The following VPS13D variants were observed in gnomAD, a reference collection of about 807,000 sequenced individuals.
VPS13D encodes intermembrane lipid transfer protein VPS13D.
Under a neutral mutation model 461.9 loss-of-function variants are expected in VPS13D, and 187 were observed. The observed-to-expected ratio is 0.40, with a 90% CI of 0.36 to 0.46. The LOEUF is 0.46. Among genes scored for constraint, VPS13D ranks in the 20% least tolerant of loss-of-function variants. The pLI is 0.60. For synonymous variants in VPS13D, 1,951 were observed against 1,986.3 expected (o/e 0.98, Z 0.47); for missense variants, 4,711 against 5,364.9 (o/e 0.88, Z 3.81).
intron 2 of VPS13D, among the ~76,000 whole-genome samples, chr1:12,234,641 T>G (rs1055268049): frequency 2.6e-5 from 4 of 152,236 alleles, no homozygotes; most frequent in African/African-American, 9.6e-5. Flanking sequence ...TTTAGCTTTA[T>G]GAAGCTTTAT....
At chr1:12,398,286 A>G (rs1440290078) in intron 60 of VPS13D, among the ~76,000 whole-genome samples, 1 of 152,248 alleles carries the variant, frequency 6.6e-6, no homozygotes, top group Non-Finnish European at 1.5e-5. Context: ...ATTCGGTGCC[A>G]GAAATCTCTG....
chr1:12,491,563 A>T (rs548301832), intron 67 of VPS13D, among the ~76,000 whole-genome samples: 14 of 152,064 alleles, frequency 9.2e-5, no homozygotes, highest in South Asian at 6.2e-4. Context: ...TTTTTTTTTT[A>T]AAAGACATGA....
chr1:12,460,452 T>C (rs1645394427), intron 67 of VPS13D, 56 bp downstream of exon 67: 2 of 1,466,394 alleles, frequency 1.4e-6, no homozygotes, highest in South Asian at 2.9e-5. Context: ...CTGCTGCTTC[T>C]CCTAATCCAT....
chr1:12,411,868 C>G (rs1644734779), intron 63 of VPS13D, among the ~76,000 whole-genome samples: 1 of 152,174 alleles, frequency 6.6e-6, no homozygotes, highest in Non-Finnish European at 1.5e-5. Context: ...GGAAGCTACT[C>G]CCAGCTTCTT....
At chr1:12,497,243 G>GA in intron 67 of VPS13D, 1 of 258,434 alleles carries the variant, frequency 3.9e-6, no homozygotes, top group South Asian at 6.6e-5. Context: ...AGAGAAAACG[G>GA]AAACTGAGGG....
rs889355146 is a variant in VPS13D at position 12,468,531 on chromosome 1, G to A, written c.12662+8135G>A. Reference sequence around the variant, plus strand: ...AGCAGGGACTTAAAGACTCACTGTTGTATTACAGATTATGGCTCGGAAGCA... The same window carrying A: ...AGCAGGGACTTAAAGACTCACTGTTATATTACAGATTATGGCTCGGAAGCA... On this transcript the variant is annotated intron_variant, in intron 67 of 69. Transcript: ENST00000620676. 5.3e-5 allele frequency among the ~76,000 whole-genome samples: 8 copies of A among 152,148 alleles called. 1 individual carries two copies. The highest frequency in any genetic ancestry group is 1.9e-4 in the African/African-American group (8 of 41,424).
At chr1:12,262,201 A>C (rs1212992437) in intron 13 of VPS13D, 121 bp downstream of exon 13, 2 of 1,041,960 alleles carry the variant, frequency 1.9e-6, no homozygotes, top group East Asian at 2.6e-5. Flanking sequence ...GTATTAGCTA[A>C]TGTGGAACCA....
intron 60 of VPS13D, 31 bp downstream of exon 60, chr1:12,386,365 C>G: frequency 6.4e-7 from 1 of 1,557,672 alleles, no homozygotes; most frequent in Non-Finnish European, 8.7e-7. Context: ...CTGTTAGTCA[C>G]CTTGTTTTCA....
intron 60 of VPS13D, among the ~76,000 whole-genome samples, chr1:12,395,156 A>G (rs528282829): frequency 6.6e-6 from 1 of 152,220 alleles, no homozygotes; most frequent in African/African-American, 2.4e-5. Context: ...GCCTCAAGAG[A>G]GGTCATCACT....
intron 65 of VPS13D, among the ~76,000 whole-genome samples, chr1:12,425,580 T>G (rs987062142): frequency 6.6e-6 from 1 of 150,994 alleles, no homozygotes; most frequent in Non-Finnish European, 1.5e-5. Flanking sequence ...AAAAAAAATA[T>G]CAGCGATGTG....
chr1:12,281,473 T>G (rs762044135), intron 20 of VPS13D, among the ~76,000 whole-genome samples: 2 of 152,208 alleles, frequency 1.3e-5, no homozygotes, highest in Non-Finnish European at 2.9e-5. Context: ...CCACTTAATT[T>G]GTTCTCCCAC....
At chr1:12,487,624 A>AAAAAG (rs753617310) in intron 67 of VPS13D, among the ~76,000 whole-genome samples, 12 of 150,864 alleles carry the variant, frequency 8.0e-5, no homozygotes, top group Admixed American at 4.0e-4. Flanking sequence ...AAAAAAAAAA[A>AAAAAG]AGCAAACAAA....
At chr1:12,324,259 A>C (rs1643121654) in intron 35 of VPS13D, among the ~76,000 whole-genome samples, 1 of 152,128 alleles carries the variant, frequency 6.6e-6, no homozygotes, top group Non-Finnish European at 1.5e-5. Context: ...TATAATCCCA[A>C]CACTCTGGGA....
chr1:12,276,777 T>TACTAGTGTTTCACTTGACAA lies in VPS13D; in HGVS notation c.3191_3210dup (p.Ile1071LeufsTer24). 6.2e-7 allele frequency: 1 copy of TACTAGTGTTTCACTTGACAA among 1,614,228 alleles called. No homozygotes were observed. The highest frequency in any genetic ancestry group is 8.5e-7 in the Non-Finnish European group (1 of 1,180,042). On this transcript the variant is annotated frameshift_variant, in exon 19 of 70. Coordinates refer to ENST00000620676, the MANE Select transcript of VPS13D (RefSeq NM_015378.4). LOFTEE classifies it high-confidence loss of function. This position sits in a 1 kb window ranked among gnomAD's most constrained non-coding sequence, Gnocchi z 4.5. ...GAGCTACACTGAACGACCGATCAGCTACTAGTGTTTCACTTGACAAAATTC... is the reference window on the plus strand; with the variant it reads ...GAGCTACACTGAACGACCGATCAGCTACTAGTGTTTCACTTGACAAACTAGTGTTTCACTTGACAAAATTC...
rs1642368842 is a variant in VPS13D, at chr1:12,299,785, T to C, written c.6216+401T>C. ...TCTATAATATAAACGTTTTAGACTCTGTGGCTTTTTTCAGAGGACGTGATT... is the reference window on the plus strand; with the variant it reads ...TCTATAATATAAACGTTTTAGACTCCGTGGCTTTTTTCAGAGGACGTGATT... On this transcript the variant is annotated intron_variant, in intron 25 of 69. Coordinates refer to ENST00000620676, the MANE Select transcript of VPS13D (RefSeq NM_015378.4). This position sits in a 1 kb window ranked among gnomAD's most constrained non-coding sequence, Gnocchi z 4.2. Among the ~76,000 whole-genome samples, 1 of 152,146 alleles carries C rather than the reference T, an allele frequency of 6.6e-6. No individual in the cohort carries two copies. Among genetic ancestry groups the C allele is most frequent in the African/African-American group, 2.4e-5 (1 of 41,426 alleles).
In VPS13D at chr1:12,293,579, C is replaced by G; in HGVS notation, c.5908C>G (p.Arg1970Gly). 6.2e-7 allele frequency: 1 copy of G among 1,614,024 alleles called. No homozygotes were observed. Among genetic ancestry groups the G allele is most frequent in the Non-Finnish European group, 8.5e-7 (1 of 1,179,932 alleles). ...RREHDIRVSL[R>G]MASVQYVHTQ... is the part of the protein sequence containing the mutation. ...AGAACACGACATTCGCGTGAGCCTC[C>G]GGATGGCCTCTGTGCAGTATGTGCA... The change falls in exon 24 of 70, where the codon CGG (arginine) becomes GGG (glycine). Residue 1970 changes from arginine to glycine, a missense_variant. Arg to Gly is a moderately radical substitution (Grantham distance 125). Around this residue, in one of 3 missense-constraint regions of VPS13D, gnomAD observed 4,411 missense variants for 4,937.8 expected, o/e 0.89. Coordinates refer to ENST00000620676, the MANE Select transcript of VPS13D (RefSeq NM_015378.4).
At chr1:12,266,737 T>G in intron 13 of VPS13D, 144 bp from the exon 14 acceptor site, 1 of 770,206 alleles carries the variant, frequency 1.3e-6, no homozygotes, top group Non-Finnish European at 1.9e-6. Flanking sequence ...TGTAGATAGA[T>G]AGGGTTTTTT....
chr1:12,464,636 T>C (rs1395934351), intron 67 of VPS13D, among the ~76,000 whole-genome samples: 2 of 151,548 alleles, frequency 1.3e-5, no homozygotes, highest in African/African-American at 4.9e-5. Flanking sequence ...TGGAGTGCGC[T>C]GGCATTCCAA....
intron 26 of VPS13D, among the ~76,000 whole-genome samples, chr1:12,306,008 G>A (rs538498210): frequency 6.6e-6 from 1 of 150,960 alleles, no homozygotes; most frequent in Admixed American, 6.6e-5. Flanking sequence ...TTTTGAGATG[G>A]AGTCTCACTC....
Sources: gnomAD v4.1 joint callset for allele counts (sites outside exome capture counted in the v4.1 genomes callset) on GRCh38, gnomAD v4.1.1 for gene constraint, gnomAD v4.1.1 regional missense constraint, Gnocchi (gnomAD v3.1) non-coding constraint, MANE v1.5 for transcripts, NCBI Gene and HGNC (gene_info 2026-07-23, HGNC 2026-07-21) for gene names.